HECTD4: variants seen among roughly 807,000 people sequenced by gnomAD.
HECTD4 encodes the protein probable E3 ubiquitin-protein ligase HECTD4.
In HECTD4, 114 loss-of-function variants were observed where a neutral mutation model predicts 471.5. The observed-to-expected ratio is 0.24, with a 90% CI of 0.21 to 0.28. The LOEUF is 0.28. Ranked by LOEUF, HECTD4 falls within the 10% of genes least tolerant of loss-of-function variation. The probability of loss-of-function intolerance (pLI) is 1.00; values close to 1 mark genes in which losing one functional copy is unlikely to be tolerated. For synonymous variants in HECTD4, 2,012 were observed against 2,256.0 expected, an observed-to-expected ratio of 0.89 and a Z score of 3.07; for missense variants, 3,866 against 5,651.5, an observed-to-expected ratio of 0.68 and a Z score of 10.13.
At chr12:112,257,998 G>C (rs1310936669) in intron 20 of HECTD4, among the ~76,000 whole-genome samples, 2 of 151,956 alleles carry the variant, frequency 1.3e-5, no homozygotes, top group Non-Finnish European at 2.9e-5. Flanking sequence ...AACCAGCCTG[G>C]CCAACACAGT....
rs765345254 is a variant in HECTD4 at position 112,283,165 on chromosome 12, C to T, written c.1473G>A (p.Thr491=). 19 of 1,613,826 alleles carry T rather than the reference C, an allele frequency of 1.2e-5. No individual in the cohort carries two copies. The highest frequency in any genetic ancestry group is 6.6e-5 in the South Asian group (6 of 91,042). The part of the protein sequence containing the change: ...LSRYRASPSA[T]LAALTGSTIS... Reference sequence around the variant, plus strand: ...TGGTGGAACCAGTCAGGGCAGCAAGCGTTGCTGACGGGGAGGCTCTATACC... The same window carrying T: ...TGGTGGAACCAGTCAGGGCAGCAAGTGTTGCTGACGGGGAGGCTCTATACC... Residue 491 remains threonine, a synonymous_variant, in exon 8 of 76, where the codon ACG becomes ACA. Transcript: ENST00000682272.
Position 112,231,544 on chromosome 12 carries a change from T to C in HECTD4, c.6169A>G (p.Ile2057Val), listed in dbSNP as rs1487983184. ...AGCTCCGAGTTCCTCTCTCGGCAAA[T>C]GGAAGTTTGGGCAGTTTTCTTTTTG... ...GDKKKTAQTS[I>V]CRERNSELAR... is the part of the protein sequence containing the mutation. The change falls in exon 39 of 76, where the codon ATT becomes GTT. Residue 2057 changes from isoleucine to valine, a missense_variant. Ile to Val is a conservative substitution (Grantham distance 29). Transcript: ENST00000682272. 2 of 1,613,998 alleles carry C rather than the reference T, an allele frequency of 1.2e-6. No homozygotes were observed. The highest frequency in any genetic ancestry group is 1.7e-6 in the Non-Finnish European group (2 of 1,179,878).
Position 112,382,087 on chromosome 12 carries a change from G to GGCC in HECTD4, c.39_41dup (p.Ala15dup), listed in dbSNP as rs890653160. On this transcript the variant is annotated inframe_insertion, in exon 1 of 76. Coordinates refer to ENST00000682272, the MANE Select transcript of HECTD4 (RefSeq NM_001388303.1). ...CCGAGAGCCACTGCGCCGAGTCAGCGGCCGCCGCCGCCGCCGCCGCCGCGG... is the reference window on the plus strand; with the variant it reads ...CCGAGAGCCACTGCGCCGAGTCAGCGGCCGCCGCCGCCGCCGCCGCCGCCGCGG... The GGCC allele has an allele frequency of 1.5e-4, 184 of 1,225,374 alleles. No individual in the cohort carries two copies. The highest frequency in any genetic ancestry group is 4.9e-4 in the South Asian group (12 of 24,302). The allele number at this position is 1,225,374 out of a possible 1,614,324, so 75.9% of individuals were successfully genotyped here.
rs765365573 is a variant in HECTD4, at chr12:112,193,204, A to G, written c.8956-13T>C. 38 of 1,613,164 alleles carry G rather than the reference A, an allele frequency of 2.4e-5. 1 individual carries two copies. The South Asian group carries it at 4.2e-4, about 18-fold the overall frequency. On this transcript the variant is annotated splice_polypyrimidine_tract_variant and intron_variant, in intron 57 of 75. Coordinates refer to ENST00000682272, the MANE Select transcript of HECTD4 (RefSeq NM_001388303.1). This position sits in a 1 kb window ranked among gnomAD's most constrained non-coding sequence, Gnocchi z 5.2. ...GCTCTGGTGCTGTCTGCAAAGAGAC[A>G]CTGAATAAGGAAAGCCACGGGCTAA...
At chr12:112,266,855 T>C in intron 14 of HECTD4, 57 bp downstream of exon 14, 1 of 863,280 alleles carries the variant, frequency 1.2e-6, no homozygotes, top group Non-Finnish European at 1.9e-6. Context: ...ATGCAGTTGT[T>C]TCCTTGGGGA....
chr12:112,229,999 T>C, intron 40 of HECTD4, 119 bp from the exon 41 acceptor site: 1 of 887,708 alleles, frequency 1.1e-6, no homozygotes, highest in Non-Finnish European at 1.7e-6. Context: ...TCTGGACATG[T>C]GAGGGACCAA....
In HECTD4 at chr12:112,213,060, T is replaced by G. The variant is rs1413197955; in HGVS notation, c.7466-410A>C. ...ATCCACCTGCCTCGGCCTCTCAAAGTGCTGGAATTACAGTCGTGAGCCACC... is the reference window on the plus strand; with the variant it reads ...ATCCACCTGCCTCGGCCTCTCAAAGGGCTGGAATTACAGTCGTGAGCCACC... On this transcript the variant is annotated intron_variant, in intron 48 of 75. Transcript: ENST00000682272. This position sits in a 1 kb window ranked among gnomAD's most constrained non-coding sequence, Gnocchi z 4.0. Among the ~76,000 whole-genome samples, 1 of 152,182 alleles carries G rather than the reference T, an allele frequency of 6.6e-6. No individual in the cohort carries two copies. The highest frequency in any genetic ancestry group is 1.5e-5 in the Non-Finnish European group (1 of 68,032).
At chr12:112,366,487 TC>T (rs1204416413) in intron 1 of HECTD4, among the ~76,000 whole-genome samples, 2 of 152,102 alleles carry the variant, frequency 1.3e-5, no homozygotes, top group African/African-American at 4.8e-5. Flanking sequence ...GCTGCTGTAC[TC>T]AGCCTGGACA....
At chr12:112,318,907 T>G (rs1222812680) in intron 2 of HECTD4, among the ~76,000 whole-genome samples, 1 of 152,254 alleles carries the variant, frequency 6.6e-6, no homozygotes, top group African/African-American at 2.4e-5. Context: ...CTCTGCTAAC[T>G]ACTTGATGTA....
rs1265027385 is a variant in HECTD4 at position 112,231,640 on chromosome 12, G to A, written c.6073C>T (p.Leu2025Phe). The A allele has an allele frequency of 2.5e-6, 4 of 1,613,876 alleles. No homozygotes were observed. In the Admixed American group the frequency reaches 5.0e-5, roughly 20 times the overall value. ...RKATKWAQSG[L>F]IVSIGPPVES... is the part of the protein sequence containing the mutation. ...ACAGGTGGCCCAATGCTGACGATGAGGCCTGACTGTGCCCACTTGGTGGCT... is the reference window on the plus strand; with the variant it reads ...ACAGGTGGCCCAATGCTGACGATGAAGCCTGACTGTGCCCACTTGGTGGCT... Residue 2025 changes from leucine to phenylalanine, a missense_variant, in exon 39 of 76, where the codon CTC becomes TTC. Around this residue, in one of 16 missense-constraint regions of HECTD4, gnomAD observed 617 missense variants for 915.1 expected, o/e 0.67. Transcript: ENST00000682272.
chr12:112,256,690 G>T, intron 20 of HECTD4, 172 bp from the exon 21 acceptor site: 1 of 413,364 alleles, frequency 2.4e-6, no homozygotes, highest in Non-Finnish European at 4.2e-6. Flanking sequence ...TACATTTAAG[G>T]GTTTTTTCTT....
At chr12:112,298,374 C>T (rs1163787881) in intron 7 of HECTD4, among the ~76,000 whole-genome samples, 1 of 151,974 alleles carries the variant, frequency 6.6e-6, no homozygotes, top group African/African-American at 2.4e-5. Context: ...GTAGTGAATA[C>T]ACACAGTGTT....
intron 1 of HECTD4, among the ~76,000 whole-genome samples, chr12:112,354,613 G>T (rs866661241): frequency 1.2e-4 from 18 of 152,044 alleles, no homozygotes; most frequent in African/African-American, 3.6e-4. Flanking sequence ...ATGAGCCCAG[G>T]AGGCAGACAT....
In HECTD4 at chr12:112,324,101, TC is replaced by T. The variant is rs534799246; in HGVS notation, c.178-4360del. On this transcript the variant is annotated intron_variant, in intron 1 of 75. Coordinates refer to ENST00000682272, the MANE Select transcript of HECTD4 (RefSeq NM_001388303.1). ...TTCTTTCTTTCTTTCTTTCTTTCTT[TC>T]CTCTCTCTCTTTCTTTCTTTTTTTT... 4.0e-4 allele frequency among the ~76,000 whole-genome samples: 31 copies of T among 76,638 alleles called. 3 individuals carry two copies. Among genetic ancestry groups the T allele is most frequent in the African/African-American group, 2.9e-3 (28 of 9,696 alleles). 50.3% of individuals were successfully genotyped at this position (76,638 alleles called of 152,430 possible).
chr12:112,200,155 AT>A (rs58396709), intron 55 of HECTD4, among the ~76,000 whole-genome samples: 6,644 of 135,566 alleles, frequency 0.049, 257 homozygotes, highest in African/African-American at 0.12. Context: ...TAGATCCCCC[AT>A]TTTTTTTTTT....
chr12:112,226,554 A>G, intron 44 of HECTD4, 89 bp downstream of exon 44: 1 of 764,756 alleles, frequency 1.3e-6, no homozygotes, highest in Non-Finnish European at 2.1e-6. Flanking sequence ...ATGTGTGTGT[A>G]TGAAGACACT....
At chr12:112,375,898 A>G (rs1018271586) in intron 1 of HECTD4, among the ~76,000 whole-genome samples, 2 of 151,166 alleles carry the variant, frequency 1.3e-5, no homozygotes, top group African/African-American at 4.9e-5. Context: ...GCGAAACCGC[A>G]TCTCTACTAA....
intron 8 of HECTD4, 120 bp from the exon 9 acceptor site, chr12:112,279,506 A>G (rs2034590763): frequency 1.5e-5 from 12 of 823,580 alleles, no homozygotes; most frequent in Non-Finnish European, 2.0e-5. Flanking sequence ...TGGAAAACAG[A>G]TTTCCAGATT....
intron 45 of HECTD4, among the ~76,000 whole-genome samples, chr12:112,219,133 C>T (rs1240124066): frequency 1.3e-5 from 2 of 151,918 alleles, no homozygotes; most frequent in Admixed American, 6.6e-5. Context: ...ATTGACAGCA[C>T]AAAGAAGCTA....
Sources: allele counts gnomAD v4.1 joint callset (sites outside exome capture counted in the v4.1 genomes callset), GRCh38; gene constraint gnomAD v4.1.1; regional missense constraint gnomAD v4.1.1; non-coding constraint Gnocchi (gnomAD v3.1); transcripts MANE v1.5; gene names NCBI Gene and HGNC (gene_info 2026-07-23, HGNC 2026-07-21).